Variants in COL22A1 observed in about 807,000 individuals in gnomAD.
The protein encoded by COL22A1 is collagen type XXII alpha 1 chain.
In COL22A1, 221 loss-of-function variants were observed where a neutral mutation model predicts 248.9. That is an observed-to-expected ratio of 0.89 (90% CI 0.80 to 0.99). The LOEUF (loss-of-function observed/expected upper bound fraction) is 0.99. COL22A1 is among the 50% of genes least tolerant of loss of function. The pLI, the probability that COL22A1 is intolerant of heterozygous loss-of-function variation, is 0.00. For missense variants in COL22A1, 2,240 were observed against 2,179.0 expected, an observed-to-expected ratio of 1.03 and a Z score of -0.56; for synonymous variants, 891 against 793.4, an observed-to-expected ratio of 1.12 and a Z score of -2.07.
intron 16 of COL22A1, among the ~76,000 whole-genome samples, chr8:138,773,580 G>A (rs973501103): frequency 5.3e-5 from 8 of 152,328 alleles, no homozygotes; most frequent in Middle Eastern, 3.4e-3. Flanking sequence ...GCCCCAGCTC[G>A]ACAGTAAAGC....
chr8:138,839,184 G>C (rs1241321872), intron 4 of COL22A1, among the ~76,000 whole-genome samples: 1 of 152,218 alleles, frequency 6.6e-6, no homozygotes, highest in African/African-American at 2.4e-5. Flanking sequence ...GAGAGAAGAA[G>C]AGAATGAAGG....
At chr8:138,905,996 T>C (rs1192480573) in intron 1 of COL22A1, among the ~76,000 whole-genome samples, 1 of 152,194 alleles carries the variant, frequency 6.6e-6, no homozygotes, top group Non-Finnish European at 1.5e-5. Context: ...TTCGCTGATA[T>C]ACCAGGCAGG....
At chr8:138,755,015 C>G (rs1451450114) in intron 21 of COL22A1, 142 bp downstream of exon 21, 3 of 814,854 alleles carry the variant, frequency 3.7e-6, no homozygotes, top group Non-Finnish European at 6.1e-6. Flanking sequence ...TGAGACGTGA[C>G]CACAACAGCA....
chr8:138,703,277 G>A (rs1243498857), intron 31 of COL22A1, 29 bp downstream of exon 31: 2 of 1,598,628 alleles, frequency 1.3e-6, no homozygotes, highest in South Asian at 1.1e-5. Context: ...GAATTCAGAG[G>A]AGAAAGAATT....
intron 13 of COL22A1, among the ~76,000 whole-genome samples, chr8:138,779,800 C>G (rs1265487758): frequency 6.6e-6 from 1 of 152,200 alleles, no homozygotes; most frequent in African/African-American, 2.4e-5. Context: ...CTGATTCTGT[C>G]TCCCAGACTG....
intron 30 of COL22A1, among the ~76,000 whole-genome samples, chr8:138,707,563 A>G (rs1214268443): frequency 6.6e-6 from 1 of 152,234 alleles, no homozygotes; most frequent in Non-Finnish European, 1.5e-5. Context: ...AGATGCAGAA[A>G]AGGCCTTTGA....
At chr8:138,656,278 G>A (rs778303201) in intron 44 of COL22A1, among the ~76,000 whole-genome samples, 6 of 152,102 alleles carry the variant, frequency 3.9e-5, no homozygotes, top group South Asian at 2.1e-4. Context: ...TATGAGTACC[G>A]TGGGAGGCAA....
At chr8:138,777,251 A>G (rs978131426) in intron 15 of COL22A1, among the ~76,000 whole-genome samples, 1 of 152,198 alleles carries the variant, frequency 6.6e-6, no homozygotes, top group African/African-American at 2.4e-5. Context: ...TTTGACCTAG[A>G]GAGAGTACAG....
At chr8:138,754,944 A>G (rs1342574684) in intron 21 of COL22A1, among the ~76,000 whole-genome samples, 4 of 152,172 alleles carry the variant, frequency 2.6e-5, no homozygotes. Context: ...CATTCCACAC[A>G]TGGCAGCTGC....
At chr8:138,597,351 C>G (rs1207451985) in intron 61 of COL22A1, among the ~76,000 whole-genome samples, 2 of 152,182 alleles carry the variant, frequency 1.3e-5, no homozygotes, top group Non-Finnish European at 2.9e-5. Flanking sequence ...GTTGTGTCCA[C>G]CTTTTGGACA....
rs374145509 is a variant in COL22A1, at chr8:138,606,490, A to T, written c.4033-38T>A. ...AACTGAGAATTAATTCCTCAAGGTC[A>T]CGTACCAACTCAAGCAGATTTGGAA... On this transcript the variant is annotated intron_variant, in intron 57 of 64. Transcript: ENST00000303045. The T allele has an allele frequency of 4.4e-6, 7 of 1,596,592 alleles. No individual in the cohort carries two copies. In the African/African-American group the frequency reaches 9.4e-5, roughly 21 times the overall value.
chr8:138,685,340 G>T lies in COL22A1; in HGVS notation c.2863-28C>A, dbSNP rs182029008. On this transcript the variant is annotated intron_variant, in intron 37 of 64. Transcript: ENST00000303045. ...GGAAAGAAAAGTAGACATTTCCCAG[G>T]GTCAATTACACTCAGCACGAAGCTT... 3,257 of 1,584,578 alleles carry T rather than the reference G, an allele frequency of 2.1e-3. 8 individuals are homozygous for T. Among genetic ancestry groups the T allele is most frequent in the South Asian group, 2.5e-3 (229 of 90,204 alleles).
intron 41 of COL22A1, among the ~76,000 whole-genome samples, chr8:138,669,710 G>C (rs1002647648): frequency 1.3e-5 from 2 of 152,154 alleles, no homozygotes; most frequent in Non-Finnish European, 2.9e-5. Context: ...GGGAAGACCA[G>C]GGAAGGCAGT....
intron 35 of COL22A1, among the ~76,000 whole-genome samples, chr8:138,692,167 GGT>G (rs200190266): frequency 2.7e-3 from 50 of 18,418 alleles, no homozygotes; most frequent in East Asian, 6.3e-3. Context: ...TATGTGTGGA[GGT>G]GTGTGTGTAT....
At chr8:138,657,070 T>C (rs971805831) in intron 44 of COL22A1, among the ~76,000 whole-genome samples, 2 of 152,156 alleles carry the variant, frequency 1.3e-5, no homozygotes, top group African/African-American at 2.4e-5. Context: ...AGCTCAGAAA[T>C]TCAATCAATG....
intron 4 of COL22A1, 89 bp from the exon 5 acceptor site, chr8:138,833,239 C>A: frequency 1.2e-6 from 1 of 809,324 alleles, no homozygotes; most frequent in South Asian, 1.4e-5. Context: ...GCAAAGGCAG[C>A]CTGCCCATCC....
chr8:138,840,270 A>G (rs1361819533), intron 4 of COL22A1, among the ~76,000 whole-genome samples: 1 of 152,122 alleles, frequency 6.6e-6, no homozygotes, highest in Non-Finnish European at 1.5e-5. Flanking sequence ...AGGAGACGGT[A>G]GATAAAGCAG....
At position 138,843,959 on chromosome 8, in the gene COL22A1, A is replaced by G; in HGVS notation, c.733+125T>C. On this transcript the variant is annotated intron_variant, in intron 4 of 64. Coordinates refer to ENST00000303045, the MANE Select transcript of COL22A1 (RefSeq NM_152888.3). ...GCACGATTCAAACCACTTTATCAGG[A>G]CTCTGGTGAAATATGGGAACAAGAA... 3.6e-6 allele frequency: 3 copies of G among 833,590 alleles called. No individual in the cohort carries two copies. In the South Asian group the frequency reaches 4.2e-5, roughly 12 times the overall value. 51.6% of individuals were successfully genotyped at this position (833,590 alleles called of 1,614,324 possible).
rs1247165542 is a variant in COL22A1 at position 138,613,889 on chromosome 8, G to A, written c.3956C>T (p.Pro1319Leu). ...CACCGGTGGGCCCCTTGGTCCTTGG[G>A]GACCCTGTGGCCCAGTGGGTCCAGT... is the stretch of plus-strand genomic sequence containing the variant. ...GDTGPTGPQG[P>L]QGPRGPPGKN... is the part of the protein sequence containing the mutation. Residue 1319 changes from proline (P) to leucine (L), a missense_variant, in exon 56 of 65, where the codon CCC becomes CTC. By Grantham distance (98) the Pro-to-Leu change is moderately conservative. Transcript: ENST00000303045. 5.6e-6 allele frequency: 9 copies of A among 1,613,784 alleles called. No individual in the cohort carries two copies. Among genetic ancestry groups the A allele is most frequent in the Non-Finnish European group, 7.6e-6 (9 of 1,179,826 alleles).
Sources: gnomAD v4.1 joint callset for allele counts (sites outside exome capture counted in the v4.1 genomes callset) on GRCh38, gnomAD v4.1.1 for gene constraint, MANE v1.5 for transcripts, NCBI Gene and HGNC (gene_info 2026-07-23, HGNC 2026-07-21) for gene names.